The following PDZD2 variants were observed in gnomAD, a reference collection of about 807,000 sequenced individuals.
PDZD2 encodes PDZ domain-containing protein 2.
In PDZD2, 90 loss-of-function variants were observed where a neutral mutation model predicts 220.7. That is an observed-to-expected ratio of 0.41 (90% CI 0.34 to 0.49). PDZD2 has a LOEUF of 0.49. Among genes scored for constraint, PDZD2 ranks in the 20% least tolerant of loss-of-function variants. PDZD2 has a pLI of 0.28. For synonymous variants in PDZD2, 1,375 were observed against 1,450.5 expected (o/e 0.95, Z 1.18); for missense variants, 3,174 against 3,608.5 (o/e 0.88, Z 3.08).
In PDZD2 at chr5:32,087,798, C is replaced by G; in HGVS notation, c.4350C>G (p.Gly1450=). ...CGTCTTCCCAGACGGGGGACAGTGG[C>G]TCTCAGGAGGGCAGTGCTCAGGGCC... ...RSPSSQTGDS[G]SQEGSAQGHP... Residue 1450 remains glycine (G), a synonymous_variant, in exon 20 of 25, where the codon GGC becomes GGG. Transcript: ENST00000438447. The surrounding 1 kb of genome is among the most constrained non-coding windows in gnomAD (Gnocchi z 4.0). 1 of 1,613,494 alleles carries G rather than the reference C, an allele frequency of 6.2e-7. No homozygotes were observed. The highest frequency in any genetic ancestry group is 8.5e-7 in the Non-Finnish European group (1 of 1,179,856).
rs1166101744 is a variant in PDZD2, at chr5:32,108,157, T to G, written c.*22T>G. The G allele has an allele frequency of 6.5e-7, 1 of 1,536,552 alleles. No individual in the cohort carries two copies. On this transcript the variant is annotated 3_prime_UTR_variant, in exon 25 of 25. Transcript: ENST00000438447. Reference sequence around the variant, plus strand: ...ATGAATTTTAACAAGAATCATTTTCTCAGTTCTCTTCTTTCTTTAGCAAAT... The same window carrying G: ...ATGAATTTTAACAAGAATCATTTTCGCAGTTCTCTTCTTTCTTTAGCAAAT...
At chr5:32,006,526 CGTTT>C (rs909569407) in intron 5 of PDZD2, among the ~76,000 whole-genome samples, 4 of 150,782 alleles carry the variant, frequency 2.7e-5, no homozygotes, top group South Asian at 2.1e-4. Context: ...GGCTACTGTT[CGTTT>C]GTTTGAGACA....
chr5:32,014,205 C>T (rs1038166944), intron 6 of PDZD2, among the ~76,000 whole-genome samples: 4 of 152,242 alleles, frequency 2.6e-5, no homozygotes, highest in Admixed American at 2.6e-4. Flanking sequence ...TGAAACCTGC[C>T]GCCAAATTCT....
At chr5:32,027,406 ATG>A (rs903800694) in intron 6 of PDZD2, among the ~76,000 whole-genome samples, 3 of 152,180 alleles carry the variant, frequency 2.0e-5, no homozygotes, top group African/African-American at 4.8e-5. Flanking sequence ...ATCACTCTCA[ATG>A]TGTGTTAAGC....
chr5:31,649,484 TGTTTGAA>T (rs1745260306), intron 1 of PDZD2, among the ~76,000 whole-genome samples: 4 of 152,006 alleles, frequency 2.6e-5, no homozygotes, highest in African/African-American at 9.7e-5. Flanking sequence ...ACATGACTCC[TGTTTGAA>T]ATAAAATATT....
chr5:31,670,941 T>C (rs945563767), intron 1 of PDZD2, among the ~76,000 whole-genome samples: 4 of 151,868 alleles, frequency 2.6e-5, no homozygotes, highest in African/African-American at 9.7e-5. Context: ...CCAAGACCCC[T>C]GGACTCAGGG....
chr5:31,739,289 C>T (rs892426076), intron 1 of PDZD2, among the ~76,000 whole-genome samples: 6 of 152,056 alleles, frequency 3.9e-5, no homozygotes, highest in African/African-American at 9.7e-5. Flanking sequence ...ACACATGATT[C>T]GTTGTCTTTA....
chr5:31,990,165 C>T (rs2111928524), intron 3 of PDZD2, among the ~76,000 whole-genome samples: 1 of 152,334 alleles, frequency 6.6e-6, no homozygotes, highest in Non-Finnish European at 1.5e-5. Flanking sequence ...TGGATTGTGT[C>T]TTCTCACATA....
chr5:32,077,482 C>A lies in PDZD2; in HGVS notation c.3558C>A (p.Thr1186=), dbSNP rs372070486. 1.8e-4 allele frequency: 292 copies of A among 1,613,830 alleles called. No individual in the cohort carries two copies. Among genetic ancestry groups the A allele is most frequent in the Non-Finnish European group, 2.3e-4 (268 of 1,179,980 alleles). ...GCCAGGAATCTCTGGGAAAGCTGAC[C>A]ACTGGAGATGCTTGTGTCTCTACCA... ...AVEKESLGKL[T]TGDACVSTSC... The change falls in exon 19 of 25, where the codon ACC becomes ACA. Residue 1186 remains threonine (T), a synonymous_variant. Transcript: ENST00000438447.
chr5:31,766,368 T>C (rs1281700782), intron 1 of PDZD2, among the ~76,000 whole-genome samples: 3 of 152,226 alleles, frequency 2.0e-5, no homozygotes, highest in Non-Finnish European at 4.4e-5. Flanking sequence ...TTTTTTATTA[T>C]TGTATTCATT....
chr5:31,765,947 G>A (rs999731230), intron 1 of PDZD2, among the ~76,000 whole-genome samples: 3 of 152,170 alleles, frequency 2.0e-5, no homozygotes, highest in African/African-American at 4.8e-5. Context: ...TGAGGCAGGT[G>A]GATCACTTGA....
chr5:32,060,883 A>T (rs1739620294), intron 13 of PDZD2, 119 bp from the exon 14 acceptor site: 1 of 918,032 alleles, frequency 1.1e-6, no homozygotes, highest in African/African-American at 1.7e-5. Context: ...AAAAGATATG[A>T]GCTTCTTTAA....
intron 2 of PDZD2, among the ~76,000 whole-genome samples, chr5:31,912,361 C>A (rs552962181): frequency 6.6e-6 from 1 of 152,138 alleles, no homozygotes; most frequent in South Asian, 2.1e-4. Context: ...ATGACCTTAT[C>A]GCTTCCCAAA....
intron 6 of PDZD2, among the ~76,000 whole-genome samples, chr5:32,029,769 C>T (rs1462101573): frequency 6.6e-6 from 1 of 152,220 alleles, no homozygotes; most frequent in South Asian, 2.1e-4. Context: ...CATGTAACAA[C>T]AGCCTCTGTC....
At position 31,799,600 on chromosome 5, in the gene PDZD2, T is replaced by C. The variant is rs1419757358; in HGVS notation, c.352T>C (p.Cys118Arg). 2 of 1,614,118 alleles carry C rather than the reference T, an allele frequency of 1.2e-6. No individual in the cohort carries two copies. Among genetic ancestry groups the C allele is most frequent in the African/African-American group, 2.7e-5 (2 of 75,046 alleles). ...THQGPVLDVG[C>R]IWVTELRKNS... ...CCAGGGTCCTGTGCTGGATGTGGGC[T>C]GCATCTGGGTGACAGAGCTGAGGAA... The change falls in exon 2 of 25, where the codon TGC becomes CGC. Residue 118 changes from cysteine (C) to arginine (R), a missense_variant. Around this residue, in one of 4 missense-constraint regions of PDZD2, gnomAD observed 632 missense variants for 708.1 expected, o/e 0.89. Transcript: ENST00000438447.
Position 32,090,969 on chromosome 5 carries a change from C to G in PDZD2, c.7521C>G (p.Ala2507=), listed in dbSNP as rs770994095. 1 of 1,613,808 alleles carries G rather than the reference C, an allele frequency of 6.2e-7. No individual in the cohort carries two copies. The highest frequency in any genetic ancestry group is 1.1e-5 in the South Asian group (1 of 91,082). ...AGGATTACTCAGCAGGGCCGAGCGC[C>G]GTGCTCTTCAAAACTGAGCTGGAGA... is the stretch of plus-strand genomic sequence containing the variant. ...CSEDYSAGPS[A]VLFKTELEIT... Residue 2507 remains alanine, a synonymous_variant, in exon 20 of 25, where the codon GCC becomes GCG. Coordinates refer to ENST00000438447, the MANE Select transcript of PDZD2 (RefSeq NM_178140.4). The surrounding 1 kb of genome is among the most constrained non-coding windows in gnomAD (Gnocchi z 4.3).
chr5:31,960,215 TTTCC>T (rs1335859733), intron 2 of PDZD2, among the ~76,000 whole-genome samples: 1 of 151,938 alleles, frequency 6.6e-6, no homozygotes, highest in Non-Finnish European at 1.5e-5. Context: ...TCCTTCCTTC[TTTCC>T]TTCCTTCTTT....
intron 1 of PDZD2, among the ~76,000 whole-genome samples, chr5:31,770,381 G>A (rs1465356474): frequency 6.6e-6 from 1 of 152,170 alleles, no homozygotes; most frequent in East Asian, 1.9e-4. Flanking sequence ...GTGCTTCAGA[G>A]AGAATTCATT....
intron 2 of PDZD2, among the ~76,000 whole-genome samples, chr5:31,876,261 A>C (rs958296747): frequency 6.6e-6 from 1 of 151,058 alleles, no homozygotes; most frequent in Non-Finnish European, 1.5e-5. Flanking sequence ...GCTAGTGTAA[A>C]GGAATGCGCT....
Sources: gnomAD v4.1 joint callset for allele counts (sites outside exome capture counted in the v4.1 genomes callset) on GRCh38, gnomAD v4.1.1 for gene constraint, gnomAD v4.1.1 regional missense constraint, Gnocchi (gnomAD v3.1) non-coding constraint, MANE v1.5 for transcripts, NCBI Gene and HGNC (gene_info 2026-07-23, HGNC 2026-07-21) for gene names.